HBS1L: variants seen among roughly 807,000 people sequenced by gnomAD.
HBS1L encodes HBS1 like translational GTPase.
A neutral mutation model predicts 88.9 loss-of-function variants in HBS1L; 55 were observed. The observed-to-expected ratio is 0.62, with a 90% confidence interval of 0.50 to 0.77. HBS1L has a LOEUF of 0.77. Ranked by LOEUF, HBS1L falls within the 30% of genes least tolerant of loss-of-function variation. The pLI, the probability that HBS1L is intolerant of heterozygous loss-of-function variation, is 0.00. For missense variants in HBS1L, 741 were observed against 829.3 expected (o/e 0.89, Z 1.31); for synonymous variants, 267 against 288.5 (o/e 0.93, Z 0.76).
In HBS1L at chr6:135,006,462, G is replaced by C. The variant is rs796792170; in HGVS notation, c.431-3620C>G. ...GCTGCCAAAGTCTCCCATGAGTAAG[G>C]AGAAATGACTGTGAGGCTGTTCACT... is the stretch of plus-strand genomic sequence containing the variant. On this transcript the variant is annotated intron_variant, in intron 4 of 17. Coordinates refer to ENST00000367837, the MANE Select transcript of HBS1L (RefSeq NM_006620.4). 7.2e-5 allele frequency among the ~76,000 whole-genome samples: 11 copies of C among 152,216 alleles called. No homozygotes were observed. The South Asian group carries it at 2.1e-3, about 29-fold the overall frequency.
At chr6:134,995,416 A>T (rs144541792) in intron 7 of HBS1L, among the ~76,000 whole-genome samples, 111 of 152,176 alleles carry the variant, frequency 7.3e-4, no homozygotes, top group Non-Finnish European at 1.4e-3. Context: ...TCTAAAACTT[A>T]TATCATGCTG....
intron 15 of HBS1L, among the ~76,000 whole-genome samples, chr6:134,971,428 A>C (rs1408193070): frequency 3.9e-5 from 6 of 152,218 alleles, no homozygotes; most frequent in Non-Finnish European, 8.8e-5. Flanking sequence ...AGGAACTGGA[A>C]CCAGTCTCCA....
chr6:135,052,389 C>T (rs941937216), intron 1 of HBS1L, among the ~76,000 whole-genome samples: 17 of 152,038 alleles, frequency 1.1e-4, no homozygotes, highest in African/African-American at 3.6e-4. Flanking sequence ...GCTTGGGCAA[C>T]ACAGCCGGAT....
chr6:135,010,704 C>T (rs1206017952), intron 4 of HBS1L, among the ~76,000 whole-genome samples: 1 of 151,984 alleles, frequency 6.6e-6, no homozygotes, highest in East Asian at 1.9e-4. Context: ...TCTGGTAGAA[C>T]AAATCCAATG....
rs375522900 is a variant in HBS1L at position 134,982,565 on chromosome 6, G to C, written c.1493-3C>G. The C allele has an allele frequency of 6.4e-7, 1 of 1,558,328 alleles. No individual in the cohort carries two copies. Among genetic ancestry groups the C allele is most frequent in the African/African-American group, 1.4e-5 (1 of 73,584 alleles). ...TATGCAAAATCCAGATCCTTGATCT[G>C]CAAAACATACCAAAATCTTATGGTT... On this transcript the variant is annotated splice_polypyrimidine_tract_variant and splice_region_variant and intron_variant, in intron 12 of 17. Coordinates refer to ENST00000367837, the MANE Select transcript of HBS1L (RefSeq NM_006620.4).
rs1051388629 is a variant in HBS1L at position 134,961,264 on chromosome 6, T to A, written c.*4015A>T. The A allele has an allele frequency of 6.6e-6, 1 of 152,188 alleles. No individual in the cohort carries two copies. Among genetic ancestry groups the A allele is most frequent in the Non-Finnish European group, 1.5e-5 (1 of 68,032 alleles). The allele number at this position is 152,188 out of a possible 1,614,324, so 9.4% of individuals were successfully genotyped here. ...TTTCTTTCCCTATTTCATATCCCCA[T>A]ATTTGGTGCAATAATTTAATTCACT... On this transcript the variant is annotated 3_prime_UTR_variant, in exon 18 of 18. Coordinates refer to ENST00000367837, the MANE Select transcript of HBS1L (RefSeq NM_006620.4).
intron 2 of HBS1L, 103 bp from the exon 3 acceptor site, chr6:135,042,229 AT>A: frequency 1.0e-6 from 1 of 975,678 alleles, no homozygotes; most frequent in Non-Finnish European, 1.5e-6. Context: ...TCAATCACCT[AT>A]AGTTACCCAT....
intron 4 of HBS1L, among the ~76,000 whole-genome samples, chr6:135,022,736 T>A (rs2114859322): frequency 6.6e-6 from 1 of 152,256 alleles, no homozygotes; most frequent in African/African-American, 2.4e-5. Context: ...ATGCATTAAA[T>A]ATGACTGTTA....
chr6:135,013,235 A>G (rs771672553), intron 4 of HBS1L, among the ~76,000 whole-genome samples: 2 of 152,230 alleles, frequency 1.3e-5, no homozygotes, highest in East Asian at 1.9e-4. Flanking sequence ...CAATACATGT[A>G]AAGTACATGT....
rs527728582 is a variant in HBS1L, at chr6:135,008,807, T to C, written c.431-5965A>G. Among the ~76,000 whole-genome samples, 5 of 152,188 alleles carry C rather than the reference T, an allele frequency of 3.3e-5. No individual in the cohort carries two copies. The South Asian group carries it at 1.0e-3, about 32-fold the overall frequency. On this transcript the variant is annotated intron_variant, in intron 4 of 17. Coordinates refer to ENST00000367837, the MANE Select transcript of HBS1L (RefSeq NM_006620.4). ...ACACTCATTATCAGAATACTAGCTGTCAGGGGTCAGGAAGTGCCTTACACG... is the reference window on the plus strand; with the variant it reads ...ACACTCATTATCAGAATACTAGCTGCCAGGGGTCAGGAAGTGCCTTACACG...
In HBS1L at chr6:135,002,848, T is replaced by A. The variant is rs1775501755; in HGVS notation, c.431-6A>T. On this transcript the variant is annotated splice_polypyrimidine_tract_variant and splice_region_variant and intron_variant, in intron 4 of 17. Transcript: ENST00000367837. ...CTGGGAATCTACTGGTTTTCCTAGT[T>A]AAGGAGTAAAATATAAAAGGCCAAT... 6.3e-7 allele frequency: 1 copy of A among 1,590,284 alleles called. No homozygotes were observed. Among genetic ancestry groups the A allele is most frequent in the African/African-American group, 1.3e-5 (1 of 74,358 alleles).
chr6:135,031,836 CTTTT>C (rs1240386300), intron 4 of HBS1L, among the ~76,000 whole-genome samples: 1 of 142,422 alleles, frequency 7.0e-6, no homozygotes. Flanking sequence ...TTTGTTTTTT[CTTTT>C]TTTTTTTTTT....
intron 8 of HBS1L, 78 bp from the exon 9 acceptor site, chr6:134,987,869 T>C (rs967941956): frequency 2.4e-6 from 3 of 1,265,528 alleles, no homozygotes; most frequent in Non-Finnish European, 3.1e-6. Flanking sequence ...CAATTAATTA[T>C]GTTAGTCACA....
At chr6:135,009,882 G>A (rs62431118) in intron 4 of HBS1L, among the ~76,000 whole-genome samples, 4 of 151,550 alleles carry the variant, frequency 2.6e-5, no homozygotes, top group Admixed American at 1.3e-4. Context: ...CGCCCGCCTC[G>A]GCCTCCCAAC....
intron 4 of HBS1L, among the ~76,000 whole-genome samples, chr6:135,019,751 A>C (rs1724147631): frequency 6.6e-6 from 1 of 151,928 alleles, no homozygotes; most frequent in Non-Finnish European, 1.5e-5. Context: ...GATATAATAC[A>C]TTATTTCCAA....
At chr6:135,006,086 C>T (rs147714820) in intron 4 of HBS1L, among the ~76,000 whole-genome samples, 11 of 151,768 alleles carry the variant, frequency 7.2e-5, no homozygotes, top group Admixed American at 2.6e-4. Context: ...CAGCCATTCA[C>T]GAAAAAGGCA....
At chr6:135,020,097 G>A (rs1284786979) in intron 4 of HBS1L, among the ~76,000 whole-genome samples, 4 of 150,320 alleles carry the variant, frequency 2.7e-5, no homozygotes, top group Non-Finnish European at 5.9e-5. Context: ...TGGCTAAATG[G>A]AGAAAGGGGC....
At chr6:134,991,464 C>A (rs1313412812) in intron 8 of HBS1L, among the ~76,000 whole-genome samples, 1 of 152,144 alleles carries the variant, frequency 6.6e-6, no homozygotes, top group Non-Finnish European at 1.5e-5. Flanking sequence ...AATGCAAAAT[C>A]CATGCACATG....
chr6:135,044,437 T>G (rs1359201972), intron 2 of HBS1L, among the ~76,000 whole-genome samples: 1 of 152,148 alleles, frequency 6.6e-6, no homozygotes, highest in Non-Finnish European at 1.5e-5. Context: ...CTTGTGCAAG[T>G]AGATAACAAC....
Sources: gnomAD v4.1 joint callset for allele counts (sites outside exome capture counted in the v4.1 genomes callset) on GRCh38, gnomAD v4.1.1 for gene constraint, MANE v1.5 for transcripts, NCBI Gene and HGNC (gene_info 2026-07-23, HGNC 2026-07-21) for gene names.